The following MAX variants were observed in gnomAD, a reference collection of about 807,000 sequenced individuals.
The protein encoded by MAX is protein max.
A neutral mutation model predicts 22.3 loss-of-function variants in MAX; 3 were observed. The ratio of observed to expected loss-of-function variants is 0.13; its 90% confidence interval spans 0.06 to 0.35. The LOEUF (loss-of-function observed/expected upper bound fraction) is 0.35, where lower values mean the gene tolerates loss of function less well. Among genes scored for constraint, MAX ranks in the 10% least tolerant of loss-of-function variants. The pLI is 1.00. For missense variants in MAX, 119 were observed against 209.4 expected (o/e 0.57, Z 2.66); for synonymous variants, 72 against 77.7 (o/e 0.93, Z 0.39).
At chr14:65,043,978 T>A (rs1351711732) in intron 3 of MAX, among the ~76,000 whole-genome samples, 1 of 152,200 alleles carries the variant, frequency 6.6e-6, no homozygotes, top group African/African-American at 2.4e-5. Flanking sequence ...CCATGTTTAT[T>A]AAGAGACTTT....
rs2062000541 is a variant in MAX at position 65,027,254 on chromosome 14, G to A, written c.172-20970C>T. The A allele has an allele frequency of 8.6e-6, 7 of 817,262 alleles. No homozygotes were observed. Among genetic ancestry groups the A allele is most frequent in the Non-Finnish European group, 1.3e-5 (7 of 538,022 alleles). 50.6% of individuals were successfully genotyped at this position (817,262 alleles called of 1,614,324 possible). ...GCGCTTAAGTACGAAACTCAGAGGAGGGCAGACAGAAATGATGATAGCTGG... is the reference window on the plus strand; with the variant it reads ...GCGCTTAAGTACGAAACTCAGAGGAAGGCAGACAGAAATGATGATAGCTGG... On this transcript the variant is annotated intron_variant, in intron 3 of 3. Coordinates refer to the MAX transcript ENST00000341653. The surrounding 1 kb of genome is among the most constrained non-coding windows in gnomAD (Gnocchi z 5.7).
chr14:65,076,157 C>T lies in MAX; in HGVS notation c.*319G>A. 1.5e-6 allele frequency: 2 copies of T among 1,357,876 alleles called. No homozygotes were observed. Among genetic ancestry groups the T allele is most frequent in the Middle Eastern group, 2.8e-4 (1 of 3,580 alleles). 84.1% of individuals were successfully genotyped at this position (1,357,876 alleles called of 1,614,324 possible). ...AGGAGCTGGTAGGGTGGGCAGGACA[C>T]TATGTGCTCAGAGGTCCGGCCGGCC... On this transcript the variant is annotated 3_prime_UTR_variant, in exon 5 of 5. Transcript: ENST00000358664. This position sits in a 1 kb window ranked among gnomAD's most constrained non-coding sequence, Gnocchi z 6.6.
Position 65,093,155 on chromosome 14 carries a change from G to A in MAX, c.171+553C>T, listed in dbSNP as rs2063557425. On this transcript the variant is annotated intron_variant, in intron 3 of 4. Coordinates refer to ENST00000358664, the MANE Select transcript of MAX (RefSeq NM_002382.5). This position sits in a 1 kb window ranked among gnomAD's most constrained non-coding sequence, Gnocchi z 4.4. ...TGGTTATTTTTTTTCTGTTTCACAT[G>A]AACATGTCTCTTCACTCAAGTCTTT... 6.6e-6 allele frequency among the ~76,000 whole-genome samples: 1 copy of A among 152,192 alleles called. No individual in the cohort carries two copies. The highest frequency in any genetic ancestry group is 1.5e-5 in the Non-Finnish European group (1 of 68,030).
intron 3 of MAX, among the ~76,000 whole-genome samples, chr14:65,056,405 GA>G (rs1440497950): frequency 6.6e-6 from 1 of 152,194 alleles, no homozygotes; most frequent in African/African-American, 2.4e-5. Flanking sequence ...TCCAGGAGGG[GA>G]CCTGCTGGGT....
At chr14:65,026,039 C>A (rs1483491249) in intron 3 of MAX, among the ~76,000 whole-genome samples, 2 of 152,188 alleles carry the variant, frequency 1.3e-5, no homozygotes, top group African/African-American at 4.8e-5. Context: ...TGTTGGCAAA[C>A]AGTTATAAAC....
intron 3 of MAX, among the ~76,000 whole-genome samples, chr14:65,051,055 G>A (rs2062595875): frequency 6.6e-6 from 1 of 152,244 alleles, no homozygotes; most frequent in South Asian, 2.1e-4. Context: ...AATAGTGCAA[G>A]TGTATCAAAG....
chr14:65,022,804 G>C (rs1463863529), intron 3 of MAX, among the ~76,000 whole-genome samples: 1 of 151,960 alleles, frequency 6.6e-6, no homozygotes, highest in African/African-American at 2.4e-5. Context: ...CATTTTTATT[G>C]TTGTTCTTCA....
intron 3 of MAX, among the ~76,000 whole-genome samples, chr14:65,008,933 C>G (rs1190777292): frequency 6.6e-6 from 1 of 152,232 alleles, no homozygotes; most frequent in Non-Finnish European, 1.5e-5. Flanking sequence ...CTGTCACCCT[C>G]TGCACAGTGA....
Position 65,069,685 on chromosome 14 carries a change from A to G in MAX, c.171+24023T>C, listed in dbSNP as rs552713654. 6.6e-6 allele frequency among the ~76,000 whole-genome samples: 1 copy of G among 152,376 alleles called. No homozygotes were observed. Among genetic ancestry groups the G allele is most frequent in the Non-Finnish European group, 1.5e-5 (1 of 68,040 alleles). ...GCACATATGCATGCAGCATTTGTAG[A>G]GTACCCACCACAAGCCAAGCACAGT... On this transcript the variant is annotated intron_variant, in intron 3 of 3. Transcript: ENST00000341653. The surrounding 1 kb of genome is among the most constrained non-coding windows in gnomAD (Gnocchi z 4.6).
chr14:65,010,214 T>C (rs2061661967), intron 3 of MAX, among the ~76,000 whole-genome samples: 1 of 152,228 alleles, frequency 6.6e-6, no homozygotes, highest in African/African-American at 2.4e-5. Flanking sequence ...CCCTAGCATA[T>C]GTAAACTCTC....
In MAX at chr14:65,017,680, T is replaced by C. The variant is rs150876284; in HGVS notation, c.172-11396A>G. Among the ~76,000 whole-genome samples, 988 of 152,112 alleles carry C rather than the reference T, an allele frequency of 6.5e-3. 17 individuals are homozygous for C. The highest frequency in any genetic ancestry group is 0.044 in the South Asian group (211 of 4,818). On this transcript the variant is annotated intron_variant, in intron 3 of 3. Transcript: ENST00000341653. ...AATTTTTTTTAAATGTAAAGCTGGG[T>C]GTGGTGGCTCACGCCTGTAATCCCA...
intron 3 of MAX, chr14:65,089,772 A>T (rs2063447976): frequency 4.4e-5 from 4 of 90,416 alleles, no homozygotes; most frequent in African/African-American, 2.6e-4. Flanking sequence ...AAAAAAAAAA[A>T]AAAAAAAAAA....
intron 3 of MAX, among the ~76,000 whole-genome samples, chr14:65,068,948 C>T (rs2062958841): frequency 1.3e-5 from 2 of 152,168 alleles, no homozygotes; most frequent in Non-Finnish European, 2.9e-5. Flanking sequence ...CCTCAGCTAC[C>T]AGACCAGGGC....
Position 65,055,535 on chromosome 14 carries a change from GAGACAA to G in MAX, c.171+38167_171+38172del, listed in dbSNP as rs2062715721. On this transcript the variant is annotated intron_variant, in intron 3 of 3. Coordinates refer to the MAX transcript ENST00000341653. ...TTTTTAATTTTTAATTTTTTTTTGT[GAGACAA>G]AGTCTCACTCTGTCACCCAGGCTGG... is the stretch of plus-strand genomic sequence containing the variant. 2.0e-5 allele frequency among the ~76,000 whole-genome samples: 3 copies of G among 149,314 alleles called. No individual in the cohort carries two copies. The South Asian group carries it at 6.4e-4, about 32-fold the overall frequency.
rs2062888789 is a variant in MAX, at chr14:65,062,828, G to A, written c.171+30880C>T. Among the ~76,000 whole-genome samples the A allele has an allele frequency of 1.3e-5, 2 of 152,188 alleles. No individual in the cohort carries two copies. The highest frequency in any genetic ancestry group is 2.1e-4 in the South Asian group (1 of 4,820). On this transcript the variant is annotated intron_variant, in intron 3 of 3. Transcript: ENST00000341653. This position sits in a 1 kb window ranked among gnomAD's most constrained non-coding sequence, Gnocchi z 4.3. ...GCCGTCTCCTCCAGTAGAGGAAGCC[G>A]TGGGCCTAACAGAGAGTGGGAAGAG...
chr14:65,093,069 A>G lies in MAX; in HGVS notation c.171+639T>C, dbSNP rs1163791213. Among the ~76,000 whole-genome samples, 1 of 152,246 alleles carries G rather than the reference A, an allele frequency of 6.6e-6. No homozygotes were observed. The highest frequency in any genetic ancestry group is 1.5e-5 in the Non-Finnish European group (1 of 68,044). ...TTCTAATTTTGTTTTTCAAATGTAG[A>G]AACAGCTGGTGCCTAGCCCTCCAGG... On this transcript the variant is annotated intron_variant, in intron 3 of 4. Coordinates refer to ENST00000358664, the MANE Select transcript of MAX (RefSeq NM_002382.5). This position sits in a 1 kb window ranked among gnomAD's most constrained non-coding sequence, Gnocchi z 4.4.
rs562609270 is a variant in MAX at position 65,060,075 on chromosome 14, C to T, written c.171+33633G>A. 3.9e-3 allele frequency among the ~76,000 whole-genome samples: 590 copies of T among 151,806 alleles called. 2 individuals are homozygous for T. Among genetic ancestry groups the T allele is most frequent in the South Asian group, 0.014 (66 of 4,808 alleles). On this transcript the variant is annotated intron_variant, in intron 3 of 3. Coordinates refer to the MAX transcript ENST00000341653. ...CTTGAACTCCTGACCTCGGGTGATC[C>T]ATCCACCTCGGCCTCCCAAAATGCT...
chr14:65,087,216 T>C (rs529291546), intron 3 of MAX, among the ~76,000 whole-genome samples: 5 of 152,318 alleles, frequency 3.3e-5, no homozygotes, highest in Admixed American at 2.0e-4. Flanking sequence ...GGAGGACCTC[T>C]GCTACGGCAG....
intron 3 of MAX, chr14:65,061,317 C>T (rs778779530): frequency 9.9e-6 from 16 of 1,613,418 alleles, no homozygotes; most frequent in Non-Finnish European, 1.2e-5. Context: ...GACTAGAGGA[C>T]CTGGGTCCCG....
Sources: allele counts gnomAD v4.1 joint callset (sites outside exome capture counted in the v4.1 genomes callset), GRCh38; gene constraint gnomAD v4.1.1; non-coding constraint Gnocchi (gnomAD v3.1); transcripts MANE v1.5; gene names NCBI Gene and HGNC (gene_info 2026-07-23, HGNC 2026-07-21).